Variants in CDHR5 observed in about 807,000 individuals in gnomAD.
CDHR5 encodes the protein cadherin related family member 5, also known as cadherin-related family member 5.
Under a neutral mutation model 69.5 loss-of-function variants are expected in CDHR5, and 82 were observed. The ratio of observed to expected loss-of-function variants is 1.18; its 90% CI spans 0.99 to 1.42. The LOEUF is 1.42. Ranked by LOEUF, CDHR5 falls within the 40% of genes most tolerant of loss-of-function variation. The probability of loss-of-function intolerance (pLI) is 0.00; values close to 1 mark genes in which losing one functional copy is unlikely to be tolerated. For synonymous variants in CDHR5, 601 were observed against 510.2 expected (o/e 1.18, Z -2.40); for missense variants, 1,293 against 1,168.9 (o/e 1.11, Z -1.55).
rs1398865395 is a variant in CDHR5 at position 617,457 on chromosome 11, A to T, written c.2432T>A (p.Leu811Gln). Residue 811 changes from leucine to glutamine, a missense_variant, in exon 15 of 15, where the codon CTG becomes CAG. Physicochemically the swap from Leu to Gln is moderately radical, Grantham distance 113. Coordinates refer to ENST00000397542, the MANE Select transcript of CDHR5 (RefSeq NM_021924.5). Reference sequence around the variant, plus strand: ...GGAGTCACTGGCGCCATCCACGTCCAGGGTGGGCGCGTTGAGAACGACCAC... The same window carrying T: ...GGAGTCACTGGCGCCATCCACGTCCTGGGTGGGCGCGTTGAGAACGACCAC... ...ADVVVLNAPTLDVDGASDSGS... is the reference protein window; with the variant it reads ...ADVVVLNAPTQDVDGASDSGS... 6.2e-7 allele frequency: 1 copy of T among 1,612,546 alleles called. No homozygotes were observed.
chr11:619,390 C>T lies in CDHR5; in HGVS notation c.1294G>A (p.Val432Ile), dbSNP rs114586747. 1,199 of 1,613,418 alleles carry T rather than the reference C, an allele frequency of 7.4e-4. 9 individuals carry two copies. The African/African-American group carries it at 0.014, about 19-fold the overall frequency. ...GAGGTCACCGTGTTGTGGGCCTCAA[C>T]CTGGGGCAGGAAGGGGCTTGTCCCT... is the stretch of plus-strand genomic sequence containing the variant. The part of the protein sequence containing the change: ...LAQAGAFYAE[V>I]EAHNTVTSGT... Residue 432 changes from valine (V) to isoleucine (I), a missense_variant and splice_region_variant, in exon 12 of 15, where the codon GTT becomes ATT. Val to Ile is a conservative substitution (Grantham distance 29, BLOSUM62 3). Coordinates refer to ENST00000397542, the MANE Select transcript of CDHR5 (RefSeq NM_021924.5).
In CDHR5 at chr11:621,917, G is replaced by GC; in HGVS notation, c.313-14dup. On this transcript the variant is annotated splice_polypyrimidine_tract_variant and intron_variant, in intron 3 of 14. Transcript: ENST00000397542. The surrounding 1 kb of genome is among the most constrained non-coding windows in gnomAD (Gnocchi z 4.4). ...TTAGCTGGGTCACCTGCAGGATGTG[G>GC]CCGTCAGCCTCTCCCACAGCCCCTC... 6.2e-7 allele frequency: 1 copy of GC among 1,604,138 alleles called. No homozygotes were observed. The highest frequency in any genetic ancestry group is 8.5e-7 in the Non-Finnish European group (1 of 1,173,308).
rs1392876340 is a variant in CDHR5, at chr11:617,982, C to CGGG, written c.2087_2089dup (p.Pro696dup). 1 of 1,611,942 alleles carries CGGG rather than the reference C, an allele frequency of 6.2e-7. No homozygotes were observed. Among genetic ancestry groups the CGGG allele is most frequent in the Non-Finnish European group, 8.5e-7 (1 of 1,179,600 alleles). On this transcript the variant is annotated inframe_insertion, in exon 14 of 15. Coordinates refer to ENST00000397542, the MANE Select transcript of CDHR5 (RefSeq NM_021924.5). ...AGCTTTGCCACAGCAGCACTTGAGC[C>CGGG]GGGGGCCATAGTGCTTGTGGACAAG...
Position 619,454 on chromosome 11 carries a change from C to T in CDHR5, c.1293+20G>A, listed in dbSNP as rs1428188161. 1 of 1,607,558 alleles carries T rather than the reference C, an allele frequency of 6.2e-7. No individual in the cohort carries two copies. Among genetic ancestry groups the T allele is most frequent in the Non-Finnish European group, 8.5e-7 (1 of 1,174,212 alleles). On this transcript the variant is annotated intron_variant, in intron 11 of 14. Coordinates refer to ENST00000397542, the MANE Select transcript of CDHR5 (RefSeq NM_021924.5). ...TTAAGCCCCACACCCTTGGAGATGC[C>T]CGCCTGCCCTGCCCCGCACCTCTGC... is the stretch of plus-strand genomic sequence containing the variant.
intron 3 of CDHR5, among the ~76,000 whole-genome samples, chr11:623,556 C>T (rs1241448070): frequency 6.6e-6 from 1 of 151,894 alleles, no homozygotes; most frequent in Non-Finnish European, 1.5e-5. Flanking sequence ...GACTGCAGTC[C>T]TGAGCCGGTG....
rs775978385 is a variant in CDHR5, at chr11:618,961, G to A, written c.1598C>T (p.Ala533Val). 1.9e-6 allele frequency: 3 copies of A among 1,613,844 alleles called. No individual in the cohort carries two copies. In the East Asian group the frequency reaches 6.7e-5, roughly 36 times the overall value. Residue 533 changes from alanine (A) to valine (V), a missense_variant, in exon 13 of 15, where the codon GCC becomes GTC. By Grantham distance (64) the Ala-to-Val change is moderately conservative. Coordinates refer to ENST00000397542, the MANE Select transcript of CDHR5 (RefSeq NM_021924.5). Reference protein sequence around the residue: ...GAENSTSHQPATPGGDTAQTP... With the variant: ...GAENSTSHQPVTPGGDTAQTP... ...CTGTGCTGTGTCCCCACCGGGAGTGGCTGGTTGGTGGGAGGTGCTGTTTTC... is the reference window on the plus strand; with the variant it reads ...CTGTGCTGTGTCCCCACCGGGAGTGACTGGTTGGTGGGAGGTGCTGTTTTC...
rs1454662387 is a variant in CDHR5, at chr11:621,891, C to A, written c.326G>T (p.Arg109Met). The A allele has an allele frequency of 1.9e-6, 3 of 1,613,110 alleles. No homozygotes were observed. In the Admixed American group the frequency reaches 5.0e-5, roughly 27 times the overall value. ...QSGGTLVTQL[R>M]VFVSVLDVND... ...GACGTCCAGCACTGACACGAACACC[C>A]TTAGCTGGGTCACCTGCAGGATGTG... The change falls in exon 4 of 15, where the codon AGG becomes ATG. Residue 109 changes from arginine (R) to methionine (M), a missense_variant. Transcript: ENST00000397542. This position sits in a 1 kb window ranked among gnomAD's most constrained non-coding sequence, Gnocchi z 4.4.
Position 621,775 on chromosome 11 carries a change from C to G in CDHR5, c.405+37G>C. Reference sequence around the variant, plus strand: ...CCTGCCCTCACCCTGGGCTCCCACACCCCCGTGCCCAGTCCCCGCGGCTTC... The same window carrying G: ...CCTGCCCTCACCCTGGGCTCCCACAGCCCCGTGCCCAGTCCCCGCGGCTTC... On this transcript the variant is annotated intron_variant, in intron 4 of 14. Coordinates refer to ENST00000397542, the MANE Select transcript of CDHR5 (RefSeq NM_021924.5). This position sits in a 1 kb window ranked among gnomAD's most constrained non-coding sequence, Gnocchi z 4.4. 1.9e-6 allele frequency: 3 copies of G among 1,583,724 alleles called. No homozygotes were observed. Among genetic ancestry groups the G allele is most frequent in the Non-Finnish European group, 2.6e-6 (3 of 1,153,726 alleles).
Position 619,683 on chromosome 11 carries a change from A to C in CDHR5, c.1177T>G (p.Ser393Ala). ...LRIQAQDPEF[S>A]DLNSAITYRI... ...GAGGCCTTGGATGCACTCTCTACCG[A>C]GAACTCCGGGTCCTGAGCCTGGATC... Residue 393 changes from serine to alanine, a missense_variant and splice_region_variant, in exon 10 of 15, where the codon TCG becomes GCG. By Grantham distance (99) the Ser-to-Ala change is moderately conservative. Coordinates refer to ENST00000397542, the MANE Select transcript of CDHR5 (RefSeq NM_021924.5). The C allele has an allele frequency of 6.2e-7, 1 of 1,613,252 alleles. No individual in the cohort carries two copies. The highest frequency in any genetic ancestry group is 8.5e-7 in the Non-Finnish European group (1 of 1,179,910).
chr11:622,504 G>C (rs955173507), intron 3 of CDHR5, among the ~76,000 whole-genome samples: 2 of 151,312 alleles, frequency 1.3e-5, no homozygotes, highest in Non-Finnish European at 1.5e-5. Flanking sequence ...TCGTCACCCA[G>C]GCTGGAGTAC....
In CDHR5 at chr11:620,344, C is replaced by T. The variant is rs781106833; in HGVS notation, c.832G>A (p.Asp278Asn). Residue 278 changes from aspartate (D) to asparagine (N), a missense_variant, in exon 8 of 15, where the codon GAC (aspartate) becomes AAC (asparagine). Transcript: ENST00000397542. The stretch of plus-strand genomic sequence containing the variant: ...GGCTGGTTGATGCCGCGGTCTCCGT[C>T]CTCAGCGTAGATGGGTCCGGGACGC... ...VLRPGPIYAE[D>N]GDRGINQPII... 55 of 1,612,860 alleles carry T rather than the reference C, an allele frequency of 3.4e-5. No homozygotes were observed. The highest frequency in any genetic ancestry group is 4.7e-5 in the Non-Finnish European group (55 of 1,179,338).
Position 621,741 on chromosome 11 carries a change from C to T in CDHR5, c.405+71G>A. On this transcript the variant is annotated intron_variant, in intron 4 of 14. Coordinates refer to ENST00000397542, the MANE Select transcript of CDHR5 (RefSeq NM_021924.5). This position sits in a 1 kb window ranked among gnomAD's most constrained non-coding sequence, Gnocchi z 4.4. ...CCACTGTGGTTGAGCCCCCGGCCAC[C>T]ACTCACCTCCTGCCCTCACCCTGGG... 6.4e-7 allele frequency: 1 copy of T among 1,556,340 alleles called. No individual in the cohort carries two copies. The highest frequency in any genetic ancestry group is 8.9e-7 in the Non-Finnish European group (1 of 1,129,034).
chr11:617,979 A>T lies in CDHR5; in HGVS notation c.2093T>A (p.Leu698His). 1 of 1,611,450 alleles carries T rather than the reference A, an allele frequency of 6.2e-7. No homozygotes were observed. The highest frequency in any genetic ancestry group is 8.5e-7 in the Non-Finnish European group (1 of 1,179,638). The change falls in exon 14 of 15, where the codon CTC becomes CAC. Residue 698 changes from leucine (L) to histidine (H), a missense_variant. Transcript: ENST00000397542. The stretch of plus-strand genomic sequence containing the variant: ...CGGAGCTTTGCCACAGCAGCACTTG[A>T]GCCGGGGGCCATAGTGCTTGTGGAC... ...VLVHKHYGPRLKCCCGKAPEP... is the reference protein window; with the variant it reads ...VLVHKHYGPRHKCCCGKAPEP...
At chr11:622,577 G>A (rs974296671) in intron 3 of CDHR5, among the ~76,000 whole-genome samples, 1 of 151,792 alleles carries the variant, frequency 6.6e-6, no homozygotes, top group South Asian at 2.1e-4. Context: ...CTCCTGCCTC[G>A]GCCTCTGCCC....
In CDHR5 at chr11:621,242, C is replaced by T. The variant is rs112269777; in HGVS notation, c.627G>A (p.Pro209=). ...TGTGGCTGGGTTCCACATTCTCCCC[C>T]GGAGTGTCCTGCAACAGACGGCTGT... ...MTFWLLVRDT[P]GENVEPSHTA... is the part of the protein sequence containing the mutation. Residue 209 remains proline (P), a synonymous_variant, in exon 7 of 15, where the codon CCG becomes CCA. Coordinates refer to ENST00000397542, the MANE Select transcript of CDHR5 (RefSeq NM_021924.5). This position sits in a 1 kb window ranked among gnomAD's most constrained non-coding sequence, Gnocchi z 4.4. 68,928 of 1,599,334 alleles carry T rather than the reference C, an allele frequency of 0.043. 1,769 individuals are homozygous for T. Among genetic ancestry groups the T allele is most frequent in the Middle Eastern group, 0.13 (779 of 5,994 alleles).
In CDHR5 at chr11:618,122, A is replaced by G. The variant is rs1564893002; in HGVS notation, c.1961-11T>C. The G allele has an allele frequency of 6.2e-7, 1 of 1,602,308 alleles. No homozygotes were observed. The highest frequency in any genetic ancestry group is 8.5e-7 in the Non-Finnish European group (1 of 1,174,086). ...CCGAGGGGCCGCCACCTGGCATCGCAGTGGAAAACGTCATCATCCCCGCAC... is the reference window on the plus strand; with the variant it reads ...CCGAGGGGCCGCCACCTGGCATCGCGGTGGAAAACGTCATCATCCCCGCAC... On this transcript the variant is annotated splice_polypyrimidine_tract_variant and intron_variant, in intron 13 of 14. Coordinates refer to ENST00000397542, the MANE Select transcript of CDHR5 (RefSeq NM_021924.5).
intron 3 of CDHR5, among the ~76,000 whole-genome samples, chr11:623,549 T>C (rs916901549): frequency 6.6e-6 from 1 of 151,960 alleles, no homozygotes; most frequent in African/African-American, 2.4e-5. Flanking sequence ...CTCTGAAGAC[T>C]GCAGTCCTGA....
rs775863307 is a variant in CDHR5 at position 617,913 on chromosome 11, C to G, written c.2118+41G>C. 5.6e-6 allele frequency: 9 copies of G among 1,597,202 alleles called. No homozygotes were observed. In the Admixed American group the frequency reaches 6.9e-5, roughly 12 times the overall value. Reference sequence around the variant, plus strand: ...CTCTCCTGTCCCCCGTCCCCCACTTCCTGCCTGGTCGCCTGCCCTGTTCTC... The same window carrying G: ...CTCTCCTGTCCCCCGTCCCCCACTTGCTGCCTGGTCGCCTGCCCTGTTCTC... On this transcript the variant is annotated intron_variant, in intron 14 of 14. Coordinates refer to ENST00000397542, the MANE Select transcript of CDHR5 (RefSeq NM_021924.5).
chr11:619,408 TTG>T lies in CDHR5; in HGVS notation c.1294-20_1294-19del, dbSNP rs1281524569. The T allele has an allele frequency of 6.2e-7, 1 of 1,610,322 alleles. No homozygotes were observed. Among genetic ancestry groups the T allele is most frequent in the South Asian group, 1.1e-5 (1 of 90,974 alleles). On this transcript the variant is annotated intron_variant, in intron 11 of 14. Transcript: ENST00000397542. ...GCCTCAACCTGGGGCAGGAAGGGGC[TTG>T]TCCCTCCTAGACACATCTTTAAGCC...
Sources: gnomAD v4.1 joint callset for allele counts (sites outside exome capture counted in the v4.1 genomes callset) on GRCh38, gnomAD v4.1.1 for gene constraint, Gnocchi (gnomAD v3.1) non-coding constraint, MANE v1.5 for transcripts, NCBI Gene and HGNC (gene_info 2026-07-23, HGNC 2026-07-21) for gene names.